Variants in PRELID2 observed in about 807,000 individuals in gnomAD.
The protein encoded by PRELID2 is PRELI domain-containing protein 2.
A neutral mutation model predicts 28.4 loss-of-function variants in PRELID2; 25 were observed. That is an observed-to-expected ratio of 0.88 (90% CI 0.64 to 1.23). The LOEUF is 1.23. Ranked by LOEUF, PRELID2 falls within the 50% of genes most tolerant of loss-of-function variation. The probability of loss-of-function intolerance (pLI) is 0.00; values close to 1 mark genes in which losing one functional copy is unlikely to be tolerated. For missense variants in PRELID2, 201 were observed against 214.4 expected (o/e 0.94, Z 0.39); for synonymous variants, 76 against 71.6 (o/e 1.06, Z -0.31).
chr5:145,278,391 G>C, the PRELID2 span, among the ~76,000 whole-genome samples: 2 of 152,098 alleles, frequency 1.3e-5, no homozygotes, highest in Non-Finnish European at 2.9e-5. Flanking sequence ...GTCTTATCGT[G>C]ACCAAAGGAT....
chr5:145,432,952 G>A, the PRELID2 span, among the ~76,000 whole-genome samples: 1,461 of 152,112 alleles, frequency 9.6e-3, 19 homozygotes, highest in Non-Finnish European at 0.013. Context: ...GTAGCCTGAC[G>A]TAAATATCCA....
chr5:145,735,251 A>C (rs1756464223), intron 1 of PRELID2, among the ~76,000 whole-genome samples: 1 of 152,038 alleles, frequency 6.6e-6, no homozygotes, highest in South Asian at 2.1e-4. Context: ...TCTCAAAAAA[A>C]AAAAAAAAAA....
At chr5:145,488,123 CAAAAAAAAA>C (rs10643402) in intron 1 of PRELID2, among the ~76,000 whole-genome samples, 2 of 101,388 alleles carry the variant, frequency 2.0e-5, no homozygotes, top group African/African-American at 7.8e-5. Context: ...GACTCTGTCT[CAAAAAAAAA>C]AAAAAAAAAG....
chr5:145,582,632 GA>G (rs1753116991), intron 1 of PRELID2, among the ~76,000 whole-genome samples: 1 of 152,016 alleles, frequency 6.6e-6, no homozygotes, highest in Non-Finnish European at 1.5e-5. Flanking sequence ...TGATCCCACA[GA>G]AATACAAACA....
At chr5:145,302,389 C>T in the PRELID2 span, among the ~76,000 whole-genome samples, 2 of 151,998 alleles carry the variant, frequency 1.3e-5, no homozygotes, top group African/African-American at 4.8e-5. Flanking sequence ...CTGCCCACCT[C>T]GGTCTCCCAA....
intron 1 of PRELID2, among the ~76,000 whole-genome samples, chr5:145,824,689 A>G (rs1267826167): frequency 6.6e-6 from 1 of 152,094 alleles, no homozygotes; most frequent in Non-Finnish European, 1.5e-5. Context: ...TTGGGAATAT[A>G]AACCTCAATG....
At chr5:145,453,275 G>T in the PRELID2 span, among the ~76,000 whole-genome samples, 1 of 152,114 alleles carries the variant, frequency 6.6e-6, no homozygotes, top group South Asian at 2.1e-4. Context: ...AGAAGTCCAG[G>T]AGGAAGGTGT....
At chr5:145,826,139 T>A (rs1755176574) in intron 1 of PRELID2, 3 of 985,444 alleles carry the variant, frequency 3.0e-6, no homozygotes, top group Non-Finnish European at 2.4e-6. Flanking sequence ...TCACGCAGGG[T>A]GCTATCCTAG....
chr5:145,428,596 A>G, the PRELID2 span, among the ~76,000 whole-genome samples: 3 of 152,186 alleles, frequency 2.0e-5, no homozygotes, highest in East Asian at 3.9e-4. Flanking sequence ...TGACAAGTTA[A>G]TGGGTGCAGC....
intron 1 of PRELID2, among the ~76,000 whole-genome samples, chr5:145,518,926 CA>C (rs1269720810): frequency 1.3e-5 from 2 of 152,182 alleles, no homozygotes; most frequent in East Asian, 3.8e-4. Flanking sequence ...ATGGTAAACT[CA>C]ATTTTGACCT....
At chr5:145,762,486 G>A (rs1018585581) in intron 6 of PRELID2, among the ~76,000 whole-genome samples, 3 of 151,808 alleles carry the variant, frequency 2.0e-5, no homozygotes, top group African/African-American at 4.8e-5. Context: ...ATGGTGAGCC[G>A]TGATTGCGCT....
chr5:145,551,123 T>C (rs959229508), intron 1 of PRELID2, among the ~76,000 whole-genome samples: 1 of 152,092 alleles, frequency 6.6e-6, no homozygotes, highest in Non-Finnish European at 1.5e-5. Flanking sequence ...CTTAACCAAT[T>C]TGCATAGGAA....
the PRELID2 span, among the ~76,000 whole-genome samples, chr5:145,242,177 C>T: frequency 2.0e-5 from 3 of 151,672 alleles, no homozygotes; most frequent in African/African-American, 7.3e-5. Context: ...TATATATATA[C>T]ATATATGAAA....
rs904598438 is a variant in PRELID2, at chr5:145,758,779, A to T, written c.*1757T>A. On this transcript the variant is annotated 3_prime_UTR_variant, in exon 7 of 7. Coordinates refer to ENST00000683046, the MANE Select transcript of PRELID2 (RefSeq NM_205846.3). ...AGTTTCTACCATTATTTTTCCCTCC[A>T]ACACAATTGAAGAATGAAACACTAT... is the stretch of plus-strand genomic sequence containing the variant. 1.3e-5 allele frequency among the ~76,000 whole-genome samples: 2 copies of T among 152,178 alleles called. No homozygotes were observed. The highest frequency in any genetic ancestry group is 2.9e-5 in the Non-Finnish European group (2 of 68,028).
At chr5:145,709,871 T>C (rs1279551361) in intron 1 of PRELID2, among the ~76,000 whole-genome samples, 1 of 152,222 alleles carries the variant, frequency 6.6e-6, no homozygotes, top group African/African-American at 2.4e-5. Flanking sequence ...GAATTGAATG[T>C]GATCTTGCAA....
At chr5:145,719,496 CGAGAGA>C (rs143655188) in intron 1 of PRELID2, among the ~76,000 whole-genome samples, 27 of 144,872 alleles carry the variant, frequency 1.9e-4, no homozygotes, top group African/African-American at 3.0e-4. Context: ...TTTCCCATTA[CGAGAGA>C]GAGAGAGAGA....
intron 6 of PRELID2, among the ~76,000 whole-genome samples, chr5:145,761,660 T>C (rs1458462565): frequency 2.0e-5 from 3 of 152,242 alleles, no homozygotes; most frequent in Non-Finnish European, 4.4e-5. Context: ...GTCACTGTTA[T>C]AACTATTCAA....
the PRELID2 span, among the ~76,000 whole-genome samples, chr5:145,463,149 A>G: frequency 1.3e-5 from 2 of 152,108 alleles, no homozygotes; most frequent in African/African-American, 2.4e-5. Flanking sequence ...TTTTCAAAAT[A>G]AACAAAGAAT....
intron 1 of PRELID2, among the ~76,000 whole-genome samples, chr5:145,527,765 A>G (rs1752622054): frequency 2.0e-5 from 3 of 152,226 alleles, no homozygotes; most frequent in Non-Finnish European, 4.4e-5. Context: ...ATTCCTAGTG[A>G]GTAAAATGCA....
Sources: allele counts gnomAD v4.1 joint callset (sites outside exome capture counted in the v4.1 genomes callset), GRCh38; gene constraint gnomAD v4.1.1; transcripts MANE v1.5; gene names NCBI Gene and HGNC (gene_info 2026-07-23, HGNC 2026-07-21).